SGK3: variants seen among roughly 807,000 people sequenced by gnomAD.
The protein encoded by SGK3 is serine/threonine-protein kinase Sgk3.
In SGK3, 47 loss-of-function variants were observed where a neutral mutation model predicts 68.5. The observed-to-expected ratio is 0.69, with a 90% CI of 0.54 to 0.87. The LOEUF (loss-of-function observed/expected upper bound fraction) is 0.87, where lower values mean the gene tolerates loss of function less well. Ranked by LOEUF, SGK3 falls within the 40% of genes least tolerant of loss-of-function variation. The pLI is 0.00. For synonymous variants in SGK3, 181 were observed against 189.1 expected, an observed-to-expected ratio of 0.96 and a Z score of 0.35; for missense variants, 479 against 575.5, an observed-to-expected ratio of 0.83 and a Z score of 1.72.
chr8:66,720,770 C>CA (rs1229858833), intron 1 of SGK3, among the ~76,000 whole-genome samples: 11 of 129,746 alleles, frequency 8.5e-5, no homozygotes, highest in East Asian at 2.0e-4. Context: ...AACTCTGTCT[C>CA]AAAAAAAAAA....
intron 1 of SGK3, among the ~76,000 whole-genome samples, chr8:66,734,280 T>G (rs568836183): frequency 8.0e-5 from 12 of 150,296 alleles, no homozygotes; most frequent in Non-Finnish European, 1.8e-4. Flanking sequence ...GGTGTGATTG[T>G]TAGAGATGGA....
At chr8:66,726,343 A>T (rs1463910152) in intron 1 of SGK3, among the ~76,000 whole-genome samples, 2 of 152,130 alleles carry the variant, frequency 1.3e-5, no homozygotes, top group African/African-American at 4.8e-5. Context: ...AGCTGACCTG[A>T]ATAGGTCTCT....
intron 1 of SGK3, among the ~76,000 whole-genome samples, chr8:66,744,259 A>G (rs1805563052): frequency 6.6e-6 from 1 of 151,358 alleles, no homozygotes. Context: ...TCTAGTTTCC[A>G]CTGTTGCTGT....
chr8:66,749,654 A>G (rs1805754575), intron 1 of SGK3, among the ~76,000 whole-genome samples: 1 of 152,202 alleles, frequency 6.6e-6, no homozygotes, highest in South Asian at 2.1e-4. Flanking sequence ...CAGTGGTTTG[A>G]TAATGTTATA....
At chr8:66,804,625 GT>G (rs1170520988) in intron 4 of SGK3, among the ~76,000 whole-genome samples, 178 bp downstream of exon 4, 2 of 152,176 alleles carry the variant, frequency 1.3e-5, no homozygotes, top group Non-Finnish European at 2.9e-5. Context: ...TACTTCATGT[GT>G]TTTAATTCAT....
chr8:66,722,360 G>T (rs920797929), intron 1 of SGK3, among the ~76,000 whole-genome samples: 1 of 152,202 alleles, frequency 6.6e-6, no homozygotes, highest in Non-Finnish European at 1.5e-5. Flanking sequence ...TTGGCTCACT[G>T]CAACCTCTAC....
At chr8:66,833,903 C>G (rs573269965) in intron 8 of SGK3, among the ~76,000 whole-genome samples, 1 of 152,006 alleles carries the variant, frequency 6.6e-6, no homozygotes, top group East Asian at 1.9e-4. Context: ...GTTGGTCAGG[C>G]TGGTCTCGAA....
intron 16 of SGK3, among the ~76,000 whole-genome samples, chr8:66,858,880 C>T (rs1563664551): frequency 6.6e-6 from 1 of 151,964 alleles, no homozygotes; most frequent in African/African-American, 2.4e-5. Context: ...CCCAGGGGAC[C>T]AAAAGATTGG....
At chr8:66,834,868 A>G (rs1347222702) in intron 8 of SGK3, among the ~76,000 whole-genome samples, 2 of 149,078 alleles carry the variant, frequency 1.3e-5, no homozygotes, top group Admixed American at 6.8e-5. Flanking sequence ...TGAACCCGGG[A>G]GGCGGAGCTT....
In SGK3 at chr8:66,725,562, T is replaced by G. The variant is rs75803677; in HGVS notation, c.-122+12729T>G. ...TTTAAAATCATGTCCCGGAGTTTCC[T>G]GACTTAAAAAATAGATCTATATATA... is the stretch of plus-strand genomic sequence containing the variant. On this transcript the variant is annotated intron_variant, in intron 1 of 16. Transcript: ENST00000521198. Among the ~76,000 whole-genome samples, 149 of 152,138 alleles carry G rather than the reference T, an allele frequency of 9.8e-4. 4 individuals carry two copies. In the East Asian group the frequency reaches 0.026, roughly 27 times the overall value.
chr8:66,845,085 A>G (rs1258732276), intron 14 of SGK3, among the ~76,000 whole-genome samples: 2 of 152,230 alleles, frequency 1.3e-5, no homozygotes, highest in Non-Finnish European at 2.9e-5. Context: ...TATTAATCAA[A>G]CTTTTATTGT....
chr8:66,816,229 A>C (rs949311834), intron 5 of SGK3, among the ~76,000 whole-genome samples: 5 of 151,424 alleles, frequency 3.3e-5, no homozygotes, highest in East Asian at 1.9e-4. Context: ...GTCTTCATCT[A>C]CTGACCTCAT....
chr8:66,748,568 G>T (rs1027706430), intron 1 of SGK3, among the ~76,000 whole-genome samples: 7 of 152,106 alleles, frequency 4.6e-5, no homozygotes, highest in African/African-American at 1.7e-4. Context: ...GACATCACCA[G>T]CATCTCGATC....
chr8:66,790,298 A>C (rs1807390057), intron 1 of SGK3, among the ~76,000 whole-genome samples: 1 of 152,194 alleles, frequency 6.6e-6, no homozygotes, highest in Admixed American at 6.5e-5. Flanking sequence ...GTGGGAGTAG[A>C]TAGTGAAGAG....
intron 1 of SGK3, among the ~76,000 whole-genome samples, chr8:66,736,956 T>G (rs766162632): frequency 3.6e-4 from 54 of 151,778 alleles, no homozygotes; most frequent in Non-Finnish European, 2.8e-4. Context: ...AAAAAAATAT[T>G]TAGTAGAGAA....
At chr8:66,746,415 T>C (rs1434507239) in intron 1 of SGK3, among the ~76,000 whole-genome samples, 1 of 152,176 alleles carries the variant, frequency 6.6e-6, no homozygotes, top group Non-Finnish European at 1.5e-5. Context: ...GTCTACATCA[T>C]TTAAAATGGA....
Position 66,824,064 on chromosome 8 carries a change from C to T in SGK3, c.417+1605C>T, listed in dbSNP as rs116778872. The stretch of plus-strand genomic sequence containing the variant: ...CTAAAACCTTCATTTTGAAAAAAGA[C>T]ATATTCCTTTTTTGTGACTACTGGA... On this transcript the variant is annotated intron_variant, in intron 6 of 16. Coordinates refer to ENST00000521198, the MANE Select transcript of SGK3 (RefSeq NM_001033578.3). Among the ~76,000 whole-genome samples the T allele has an allele frequency of 2.9e-3, 434 of 152,102 alleles. 3 individuals are homozygous for T. The highest frequency in any genetic ancestry group is 0.01 in the African/African-American group (423 of 41,506).
chr8:66,819,230 C>T (rs1808713698), intron 5 of SGK3, among the ~76,000 whole-genome samples: 1 of 152,170 alleles, frequency 6.6e-6, no homozygotes, highest in Non-Finnish European at 1.5e-5. Context: ...ACATTTAATG[C>T]TAACCAAGCC....
At chr8:66,720,132 A>G (rs1400943899) in intron 1 of SGK3, among the ~76,000 whole-genome samples, 4 of 152,268 alleles carry the variant, frequency 2.6e-5, no homozygotes, top group Admixed American at 6.5e-5. Flanking sequence ...GTGTGTGGAT[A>G]GACTGACAAA....
Sources: allele counts gnomAD v4.1 joint callset (sites outside exome capture counted in the v4.1 genomes callset), GRCh38; gene constraint gnomAD v4.1.1; transcripts MANE v1.5; gene names NCBI Gene and HGNC (gene_info 2026-07-23, HGNC 2026-07-21).